FBRSL1: variants seen among roughly 807,000 people sequenced by gnomAD.
FBRSL1 encodes fibrosin-1-like protein.
In FBRSL1, 51 loss-of-function variants were observed where a neutral mutation model predicts 89.6. That is an observed-to-expected ratio of 0.57 (90% CI 0.45 to 0.72). The LOEUF (loss-of-function observed/expected upper bound fraction) is 0.72, where lower values mean the gene tolerates loss of function less well. Ranked by LOEUF, FBRSL1 falls within the 30% of genes least tolerant of loss-of-function variation. The pLI is 0.00. For synonymous variants in FBRSL1, 779 were observed against 681.1 expected, an observed-to-expected ratio of 1.14 and a Z score of -2.24; for missense variants, 1,618 against 1,451.8, an observed-to-expected ratio of 1.11 and a Z score of -1.86.
intron 2 of FBRSL1, among the ~76,000 whole-genome samples, chr12:132,508,974 C>T (rs575595240): frequency 1.6e-4 from 25 of 152,326 alleles, no homozygotes; most frequent in Non-Finnish European, 2.9e-4. Flanking sequence ...GCAGCTGCTT[C>T]CTCCGCGGGG....
At chr12:132,559,705 C>T (rs966108475) in intron 5 of FBRSL1, among the ~76,000 whole-genome samples, 19 of 152,202 alleles carry the variant, frequency 1.2e-4, no homozygotes, top group African/African-American at 4.6e-4. Context: ...GGCTGTCGCC[C>T]TTTCTGACTC....
At chr12:132,539,446 A>G (rs1031411793) in intron 4 of FBRSL1, among the ~76,000 whole-genome samples, 1 of 18,892 alleles carries the variant, frequency 5.3e-5, no homozygotes, top group African/African-American at 2.2e-4. Flanking sequence ...TGCCCCACCC[A>G]CCCAGTCCTG....
chr12:132,563,008 C>G (rs2039269456), intron 5 of FBRSL1, among the ~76,000 whole-genome samples: 1 of 149,070 alleles, frequency 6.7e-6, no homozygotes, highest in Non-Finnish European at 1.5e-5. Flanking sequence ...GCCTGCACCC[C>G]ACACCTGGCC....
Position 132,511,221 on chromosome 12 carries a change from C to T in FBRSL1, c.489+2871C>T, listed in dbSNP as rs57215798. 11,487 of 985,374 alleles carry T rather than the reference C, an allele frequency of 0.012. 122 individuals carry two copies. The East Asian group carries it at 0.12, about 11-fold the overall frequency. 61.0% of individuals were successfully genotyped at this position (985,374 alleles called of 1,614,324 possible). On this transcript the variant is annotated intron_variant, in intron 2 of 18. Transcript: ENST00000680143. ...CTCTCAGGACTCTGCCTCCACCACC[C>T]CCGTGGGCATGCACTGAAGGGTTGC...
chr12:132,493,660 C>T (rs915460754), intron 1 of FBRSL1, among the ~76,000 whole-genome samples: 2 of 152,240 alleles, frequency 1.3e-5, no homozygotes, highest in Non-Finnish European at 2.9e-5. Context: ...CTTTTCTGTG[C>T]CCTGGATGGG....
At chr12:132,507,264 C>T (rs1216035745) in intron 1 of FBRSL1, 6 of 985,458 alleles carry the variant, frequency 6.1e-6, no homozygotes, top group East Asian at 2.3e-4. Context: ...GTGCCCTCCC[C>T]GAGAGGATTC....
chr12:132,522,213 G>A (rs2035421296), intron 2 of FBRSL1, among the ~76,000 whole-genome samples: 1 of 152,162 alleles, frequency 6.6e-6, no homozygotes, highest in Non-Finnish European at 1.5e-5. Context: ...CCAGCAACAG[G>A]ACAGCTCAAG....
At chr12:132,510,258 C>A (rs1277889712) in intron 2 of FBRSL1, 2 of 1,231,878 alleles carry the variant, frequency 1.6e-6, no homozygotes, top group Non-Finnish European at 2.0e-6. Context: ...GCCGGGCCCA[C>A]CCTGCCGGCC....
chr12:132,580,679 T>C, intron 15 of FBRSL1: 1 of 688,572 alleles, frequency 1.5e-6, no homozygotes, highest in Non-Finnish European at 1.8e-6. Context: ...AAGCTCTGAA[T>C]ACAACTTGCC....
chr12:132,501,017 G>T (rs899904442), intron 1 of FBRSL1, among the ~76,000 whole-genome samples: 5 of 152,242 alleles, frequency 3.3e-5, no homozygotes, highest in Non-Finnish European at 5.9e-5. Flanking sequence ...CAGGGACCAT[G>T]TGGCCAGGAG....
At chr12:132,492,988 C>T (rs550639483) in intron 1 of FBRSL1, among the ~76,000 whole-genome samples, 5 of 152,354 alleles carry the variant, frequency 3.3e-5, no homozygotes, top group East Asian at 1.9e-4. Flanking sequence ...CTCCATCAGG[C>T]AGTGTTCTGA....
At chr12:132,565,718 C>T (rs1264288694) in intron 5 of FBRSL1, 1 of 152,322 alleles carries the variant, frequency 6.6e-6, no homozygotes, top group Non-Finnish European at 1.5e-5. Flanking sequence ...AACACTCCTT[C>T]TTTGCAGTTG....
At chr12:132,530,124 G>A (rs1367168914) in intron 4 of FBRSL1, among the ~76,000 whole-genome samples, 1 of 151,198 alleles carries the variant, frequency 6.6e-6, no homozygotes, top group Non-Finnish European at 1.5e-5. Flanking sequence ...CCTTCCCATC[G>A]TCATGAGTAT....
intron 11 of FBRSL1, among the ~76,000 whole-genome samples, chr12:132,573,885 C>T (rs1210574885): frequency 6.6e-6 from 1 of 152,192 alleles, no homozygotes; most frequent in African/African-American, 2.4e-5. Context: ...CTGGCAAGAG[C>T]ACCTGCTTCC....
At chr12:132,542,354 C>T (rs780525740) in intron 4 of FBRSL1, among the ~76,000 whole-genome samples, 13 of 152,256 alleles carry the variant, frequency 8.5e-5, no homozygotes, top group Non-Finnish European at 1.8e-4. Context: ...GCCTCTCACC[C>T]GACACTCAGG....
intron 15 of FBRSL1, among the ~76,000 whole-genome samples, chr12:132,579,183 C>T (rs533711107): frequency 6.6e-6 from 1 of 152,346 alleles, no homozygotes; most frequent in African/African-American, 2.4e-5. Context: ...TGATATCTTG[C>T]TGGCAGGGGG....
Position 132,572,590 on chromosome 12 carries a change from T to C in FBRSL1, c.1498T>C (p.Phe500Leu). Residue 500 changes from phenylalanine (F) to leucine (L), a missense_variant, in exon 11 of 19, where the codon TTC becomes CTC. Physicochemically the swap from Phe to Leu is conservative, Grantham distance 22. Coordinates refer to ENST00000680143, the MANE Select transcript of FBRSL1 (RefSeq NM_001367871.1). ...LPTLLPHPGPFGSLQGAFQPK... is the reference protein window; with the variant it reads ...LPTLLPHPGPLGSLQGAFQPK... Reference sequence around the variant, plus strand: ...CACCCTGCTCCCACACCCCGGCCCCTTCGGGTCCCTGCAGGGCGCTTTTCA... The same window carrying C: ...CACCCTGCTCCCACACCCCGGCCCCCTCGGGTCCCTGCAGGGCGCTTTTCA... 6.4e-7 allele frequency: 1 copy of C among 1,551,074 alleles called. No individual in the cohort carries two copies. The highest frequency in any genetic ancestry group is 8.7e-7 in the Non-Finnish European group (1 of 1,146,842).
intron 5 of FBRSL1, among the ~76,000 whole-genome samples, chr12:132,564,864 C>CAG (rs1276173712): frequency 6.6e-6 from 1 of 151,682 alleles, no homozygotes; most frequent in Admixed American, 6.6e-5. Flanking sequence ...CTGCTGACCT[C>CAG]GTGATCCGCC....
At chr12:132,571,252 G>T in intron 9 of FBRSL1, 21 bp downstream of exon 9, 1 of 1,475,726 alleles carries the variant, frequency 6.8e-7, no homozygotes, top group Non-Finnish European at 9.1e-7. Flanking sequence ...GCCTCGCCCC[G>T]CCGGGAGCCC....
Sources: allele counts gnomAD v4.1 joint callset (sites outside exome capture counted in the v4.1 genomes callset), GRCh38; gene constraint gnomAD v4.1.1; transcripts MANE v1.5; gene names NCBI Gene and HGNC (gene_info 2026-07-23, HGNC 2026-07-21).